Variants in SAP30BP observed in about 807,000 individuals in gnomAD.
SAP30BP encodes the protein SAP30 binding protein.
SAP30BP carries 31 observed loss-of-function variants against 46.3 expected under a neutral mutation model. The observed-to-expected ratio is 0.67, with a 90% confidence interval of 0.50 to 0.90. The LOEUF is 0.90. Among genes scored for constraint, SAP30BP ranks in the 40% least tolerant of loss-of-function variants. The probability of loss-of-function intolerance (pLI) is 0.00; values close to 1 mark genes in which losing one functional copy is unlikely to be tolerated. For missense variants in SAP30BP, 312 were observed against 391.0 expected (o/e 0.80, Z 1.70); for synonymous variants, 169 against 144.2 (o/e 1.17, Z -1.23).
intron 3 of SAP30BP, among the ~76,000 whole-genome samples, chr17:75,677,606 A>G (rs1003208218): frequency 9.1e-6 from 1 of 109,700 alleles, no homozygotes; most frequent in Non-Finnish European, 1.9e-5. Context: ...TAATTTTTGT[A>G]TTTTTTTTTT....
At position 75,704,510 on chromosome 17, in the gene SAP30BP, C is replaced by G. The variant is rs112297341; in HGVS notation, c.602-246C>G. ...ATTGGGCCTGTATTCCCGTGTGTGG[C>G]AGTCCACAGGAGCTCAGGAGTAGCT... On this transcript the variant is annotated intron_variant, in intron 8 of 10. Coordinates refer to ENST00000584667, the MANE Select transcript of SAP30BP (RefSeq NM_013260.8). Among the ~76,000 whole-genome samples, 480 of 152,328 alleles carry G rather than the reference C, an allele frequency of 3.2e-3. 4 individuals are homozygous for G. The highest frequency in any genetic ancestry group is 0.011 in the African/African-American group (444 of 41,570).
intron 3 of SAP30BP, among the ~76,000 whole-genome samples, chr17:75,676,327 A>G (rs151111736): frequency 9.8e-4 from 149 of 152,318 alleles, no homozygotes; most frequent in African/African-American, 3.2e-3. Flanking sequence ...CTAAATGTTG[A>G]CACATTTTGT....
chr17:75,671,930 C>T, intron 3 of SAP30BP, 67 bp downstream of exon 3: 1 of 1,256,178 alleles, frequency 8.0e-7, no homozygotes, highest in Non-Finnish European at 1.2e-6. Context: ...TGGCTCAGTT[C>T]GTATGTTTGG....
At chr17:75,700,007 G>T (rs2148416054) in intron 5 of SAP30BP, 136 bp downstream of exon 5, 1 of 624,452 alleles carries the variant, frequency 1.6e-6, no homozygotes, top group East Asian at 2.8e-5. Context: ...CAGGTGGGAA[G>T]GATCCCACAG....
chr17:75,667,483 G>C lies in SAP30BP; in HGVS notation c.106+5G>C. ...AGGCGGTGGGCAGCGCGGCTGGTAA[G>C]GCCCAAGTGCGAAGCTGGAAGGGGG... On this transcript the variant is annotated splice_donor_5th_base_variant and intron_variant, in intron 1 of 10. Coordinates refer to ENST00000584667, the MANE Select transcript of SAP30BP (RefSeq NM_013260.8). 2 of 1,613,816 alleles carry C rather than the reference G, an allele frequency of 1.2e-6. No homozygotes were observed. The highest frequency in any genetic ancestry group is 1.7e-6 in the Non-Finnish European group (2 of 1,179,850).
chr17:75,689,578 C>T (rs1385601068), intron 3 of SAP30BP, among the ~76,000 whole-genome samples: 3 of 152,184 alleles, frequency 2.0e-5, no homozygotes, highest in Admixed American at 2.0e-4. Flanking sequence ...CTGCGGGTTC[C>T]ATGCCCTCTG....
At chr17:75,686,751 T>G (rs1175725485) in intron 3 of SAP30BP, among the ~76,000 whole-genome samples, 1 of 152,116 alleles carries the variant, frequency 6.6e-6, no homozygotes, top group African/African-American at 2.4e-5. Context: ...GTGCTAGCAA[T>G]GGGCTTTCTC....
chr17:75,704,800 A>G lies in SAP30BP; in HGVS notation c.646A>G (p.Lys216Glu), dbSNP rs780477849. Residue 216 changes from lysine (K) to glutamate (E), a missense_variant, in exon 9 of 11, where the codon AAG (lysine) becomes GAG (glutamate). Lys to Glu is a moderately conservative substitution (Grantham distance 56). This residue lies in a region of SAP30BP where 296 missense variants were observed against 346.6 expected (regional missense o/e 0.85). Coordinates refer to ENST00000584667, the MANE Select transcript of SAP30BP (RefSeq NM_013260.8). ...GATGGACAAATTGGAAAAGGCCAAA[A>G]AGGAGCGAACAAAAGTAAGTGATGG... Reference protein sequence around the residue: ...IEMDKLEKAKKERTKIEFVTG... With the variant: ...IEMDKLEKAKEERTKIEFVTG... 6.2e-7 allele frequency: 1 copy of G among 1,613,606 alleles called. No homozygotes were observed. The highest frequency in any genetic ancestry group is 8.5e-7 in the Non-Finnish European group (1 of 1,179,726).
chr17:75,672,342 C>T lies in SAP30BP; in HGVS notation c.264+479C>T, dbSNP rs572685473. Among the ~76,000 whole-genome samples, 4 of 152,310 alleles carry T rather than the reference C, an allele frequency of 2.6e-5. No homozygotes were observed. The South Asian group carries it at 8.3e-4, about 32-fold the overall frequency. On this transcript the variant is annotated intron_variant, in intron 3 of 10. Transcript: ENST00000584667. ...GGATGGTGGGTCTAATGCTCATTTT[C>T]CTGGGGGTGTGTCCATCCACTTTTG...
intron 3 of SAP30BP, chr17:75,690,525 A>G: frequency 2.7e-6 from 1 of 373,518 alleles, no homozygotes; most frequent in Non-Finnish European, 5.3e-6. Flanking sequence ...AGCTAGGACT[A>G]CAGGCTGGTC....
At chr17:75,677,755 CTTTTT>C (rs35174866) in intron 3 of SAP30BP, among the ~76,000 whole-genome samples, 1 of 119,262 alleles carries the variant, frequency 8.4e-6, no homozygotes, top group Admixed American at 8.9e-5. Flanking sequence ...ACACCCAGCC[CTTTTT>C]TTTTTTTTTT....
intron 4 of SAP30BP, among the ~76,000 whole-genome samples, chr17:75,693,826 C>A (rs1046025741): frequency 1.3e-5 from 2 of 152,164 alleles, no homozygotes; most frequent in African/African-American, 2.4e-5. Flanking sequence ...CCTCCTCCCC[C>A]TCTCCGCTGG....
chr17:75,700,827 G>A (rs765023649), intron 5 of SAP30BP, among the ~76,000 whole-genome samples: 19 of 152,194 alleles, frequency 1.2e-4, no homozygotes, highest in East Asian at 5.8e-4. Flanking sequence ...GACAAACGGC[G>A]CACAGCATAC....
In SAP30BP at chr17:75,706,042, C is replaced by T. The variant is rs770299026; in HGVS notation, c.695C>T (p.Thr232Met). 43 of 1,613,682 alleles carry T rather than the reference C, an allele frequency of 2.7e-5. No homozygotes were observed. Among genetic ancestry groups the T allele is most frequent in the Non-Finnish European group, 3.4e-5 (40 of 1,180,010 alleles). Residue 232 changes from threonine (T) to methionine (M), a missense_variant, in exon 10 of 11, where the codon ACG becomes ATG. By Grantham distance (81) the Thr-to-Met change is moderately conservative. Coordinates refer to ENST00000584667, the MANE Select transcript of SAP30BP (RefSeq NM_013260.8). The surrounding 1 kb of genome is among the most constrained non-coding windows in gnomAD (Gnocchi z 4.6). ...EFVTGTKKGT[T>M]TNATSTTTTT... ...GTGACGGGCACCAAAAAAGGCACCACGACCAACGCCACGTCCACCACCACT... is the reference window on the plus strand; with the variant it reads ...GTGACGGGCACCAAAAAAGGCACCATGACCAACGCCACGTCCACCACCACT...
At chr17:75,703,159 G>A (rs2060440116) in intron 6 of SAP30BP, 152 bp from the exon 7 acceptor site, 1 of 675,758 alleles carries the variant, frequency 1.5e-6, no homozygotes. Flanking sequence ...ATCTCCCTGG[G>A]AGAGTGGAGG....
intron 3 of SAP30BP, among the ~76,000 whole-genome samples, chr17:75,676,064 A>G (rs2059986060): frequency 6.6e-6 from 1 of 152,262 alleles, no homozygotes; most frequent in African/African-American, 2.4e-5. Context: ...GGCTGGGTAC[A>G]TATAACTGCT....
At chr17:75,695,964 GC>G (rs903504684) in intron 4 of SAP30BP, among the ~76,000 whole-genome samples, 5 of 152,092 alleles carry the variant, frequency 3.3e-5, no homozygotes, top group African/African-American at 1.2e-4. Context: ...GTCCCCTGGG[GC>G]CCCCCAGCTC....
intron 3 of SAP30BP, chr17:75,692,521 GA>G: frequency 1.0e-5 from 10 of 985,402 alleles, no homozygotes; most frequent in Non-Finnish European, 1.2e-5. Flanking sequence ...AGAAATGGGG[GA>G]AACAGGTGTG....
At chr17:75,688,471 CT>C (rs1394252794) in intron 3 of SAP30BP, among the ~76,000 whole-genome samples, 1 of 152,076 alleles carries the variant, frequency 6.6e-6, no homozygotes, top group African/African-American at 2.4e-5. Context: ...CCCTGTGCCC[CT>C]GTTCAGAGTG....
Sources: gnomAD v4.1 joint callset for allele counts (sites outside exome capture counted in the v4.1 genomes callset) on GRCh38, gnomAD v4.1.1 for gene constraint, gnomAD v4.1.1 regional missense constraint, Gnocchi (gnomAD v3.1) non-coding constraint, MANE v1.5 for transcripts, NCBI Gene and HGNC (gene_info 2026-07-23, HGNC 2026-07-21) for gene names.